The following PRKCA variants were observed in gnomAD, a reference collection of about 807,000 sequenced individuals.
PRKCA encodes protein kinase C alpha type.
In PRKCA, 27 loss-of-function variants were observed where a neutral mutation model predicts 87.0. That is an observed-to-expected ratio of 0.31 (90% CI 0.23 to 0.43). The LOEUF (loss-of-function observed/expected upper bound fraction) is 0.43. Ranked by LOEUF, PRKCA falls within the 20% of genes least tolerant of loss-of-function variation. The probability of loss-of-function intolerance (pLI) is 1.00; values close to 1 mark genes in which losing one functional copy is unlikely to be tolerated. For missense variants in PRKCA, 518 were observed against 852.3 expected (o/e 0.61, Z 4.88); for synonymous variants, 329 against 311.1 (o/e 1.06, Z -0.61).
At chr17:66,736,373 G>T (rs1488383445) in intron 10 of PRKCA, among the ~76,000 whole-genome samples, 1 of 151,840 alleles carries the variant, frequency 6.6e-6, no homozygotes, top group African/African-American at 2.4e-5. Flanking sequence ...CACCTCCCAG[G>T]CTCAAGGGAT....
At chr17:66,696,097 A>T (rs1972913413) in intron 8 of PRKCA, among the ~76,000 whole-genome samples, 1 of 152,140 alleles carries the variant, frequency 6.6e-6, no homozygotes, top group Non-Finnish European at 1.5e-5. Context: ...AAGCAGGGGG[A>T]ATCATGGCAA....
intron 8 of PRKCA, among the ~76,000 whole-genome samples, chr17:66,729,806 G>A (rs1415810612): frequency 3.2e-5 from 3 of 92,324 alleles, no homozygotes; most frequent in African/African-American, 1.6e-4. Flanking sequence ...TTTTTTCTGA[G>A]ACAGAGTCTC....
At chr17:66,494,716 A>G (rs555845322) in intron 2 of PRKCA, among the ~76,000 whole-genome samples, 1 of 152,350 alleles carries the variant, frequency 6.6e-6, no homozygotes, top group African/African-American at 2.4e-5. Flanking sequence ...TAAGAGTAGT[A>G]GATGATGCCT....
At position 66,562,902 on chromosome 17, in the gene PRKCA, A is replaced by G. The variant is rs1221148513; in HGVS notation, c.288+66619A>G. Among the ~76,000 whole-genome samples, 4 of 152,140 alleles carry G rather than the reference A, an allele frequency of 2.6e-5. No individual in the cohort carries two copies. In the East Asian group the frequency reaches 7.7e-4, roughly 29 times the overall value. On this transcript the variant is annotated intron_variant, in intron 3 of 16. Coordinates refer to ENST00000413366, the MANE Select transcript of PRKCA (RefSeq NM_002737.3). ...ATGAACACTGTGCCTGGCCAGCTTG[A>G]TAAATTTTTATGCAGAATGGTTTTA...
chr17:66,545,356 A>G (rs548431624), intron 3 of PRKCA, among the ~76,000 whole-genome samples: 26 of 152,230 alleles, frequency 1.7e-4, no homozygotes, highest in African/African-American at 5.8e-4. Context: ...GTGAACCCAA[A>G]AGGCGGAGCT....
In PRKCA at chr17:66,804,936, G is replaced by A. The variant is rs1423817737; in HGVS notation, c.*899G>A. On this transcript the variant is annotated 3_prime_UTR_variant, in exon 17 of 17. Coordinates refer to ENST00000413366, the MANE Select transcript of PRKCA (RefSeq NM_002737.3). ...CCACCCCCACACACACCAACATTTTGCTGCCTACCTTGTTATCCTTCTCAA... is the reference window on the plus strand; with the variant it reads ...CCACCCCCACACACACCAACATTTTACTGCCTACCTTGTTATCCTTCTCAA... 1.1e-6 allele frequency: 1 copy of A among 947,100 alleles called. No homozygotes were observed. Among genetic ancestry groups the A allele is most frequent in the Non-Finnish European group, 1.3e-6 (1 of 794,950 alleles). The allele number at this position is 947,100 out of a possible 1,614,324, so 58.7% of individuals were successfully genotyped here.
In PRKCA at chr17:66,319,867, A is replaced by G. The variant is rs1048727907; in HGVS notation, c.205+13740A>G. ...AGGGATTCTCCTGCCTCAGCCTCCT[A>G]AGTAGCTGGGATTACAGGCGCCTGC... On this transcript the variant is annotated intron_variant, in intron 2 of 16. Coordinates refer to ENST00000413366, the MANE Select transcript of PRKCA (RefSeq NM_002737.3). Among the ~76,000 whole-genome samples, 6 of 151,634 alleles carry G rather than the reference A, an allele frequency of 4.0e-5. 1 individual carries two copies. Among genetic ancestry groups the G allele is most frequent in the African/African-American group, 1.5e-4 (6 of 41,264 alleles).
intron 2 of PRKCA, among the ~76,000 whole-genome samples, chr17:66,347,766 G>A (rs1467814668): frequency 6.6e-6 from 1 of 151,892 alleles, no homozygotes; most frequent in Non-Finnish European, 1.5e-5. Flanking sequence ...AAACTTTATT[G>A]TATTTCAAAA....
chr17:66,678,748 G>T (rs1305692602), intron 5 of PRKCA, among the ~76,000 whole-genome samples: 5 of 151,944 alleles, frequency 3.3e-5, no homozygotes, highest in African/African-American at 1.2e-4. Context: ...ATGACTGTAG[G>T]GAAATGAACA....
rs559567953 is a variant in PRKCA at position 66,391,577 on chromosome 17, C to G, written c.205+85450C>G. Among the ~76,000 whole-genome samples the G allele has an allele frequency of 2.0e-5, 3 of 152,314 alleles. No individual in the cohort carries two copies. The East Asian group carries it at 5.8e-4, about 29-fold the overall frequency. On this transcript the variant is annotated intron_variant, in intron 2 of 16. Coordinates refer to ENST00000413366, the MANE Select transcript of PRKCA (RefSeq NM_002737.3). ...ATAAGAAGTTTCCGTAGTCCTCTTACTCAACCACTAGATGGTCACTTAGTA... is the reference window on the plus strand; with the variant it reads ...ATAAGAAGTTTCCGTAGTCCTCTTAGTCAACCACTAGATGGTCACTTAGTA...
At chr17:66,783,659 G>T (rs1975301730) in intron 14 of PRKCA, among the ~76,000 whole-genome samples, 1 of 152,170 alleles carries the variant, frequency 6.6e-6, no homozygotes, top group Non-Finnish European at 1.5e-5. Context: ...AAGGTGGGGT[G>T]GCTGCAGCTG....
chr17:66,714,615 A>G (rs1413649767), intron 8 of PRKCA, among the ~76,000 whole-genome samples: 1 of 152,246 alleles, frequency 6.6e-6, no homozygotes, highest in Non-Finnish European at 1.5e-5. Context: ...ACTACTCAGA[A>G]TGGCAGCAGC....
chr17:66,618,828 C>T (rs1391350219), intron 3 of PRKCA, among the ~76,000 whole-genome samples: 1 of 152,222 alleles, frequency 6.6e-6, no homozygotes, highest in Non-Finnish European at 1.5e-5. Flanking sequence ...AACTGTGTCC[C>T]ATATCCTCAG....
chr17:66,790,201 T>C (rs981545297), intron 16 of PRKCA, among the ~76,000 whole-genome samples: 3 of 152,242 alleles, frequency 2.0e-5, no homozygotes, highest in African/African-American at 7.2e-5. Context: ...TTCCTCACCA[T>C]GTGTGCCTCT....
intron 2 of PRKCA, among the ~76,000 whole-genome samples, chr17:66,489,368 TATATATA>T (rs1465101790): frequency 1.2e-5 from 1 of 84,074 alleles, no homozygotes; most frequent in Non-Finnish European, 2.5e-5. Flanking sequence ...TATATATATA[TATATATA>T]TATATATATA....
chr17:66,303,848 A>G (rs1267319209), intron 1 of PRKCA, among the ~76,000 whole-genome samples: 2 of 151,870 alleles, frequency 1.3e-5, no homozygotes, highest in Non-Finnish European at 2.9e-5. Flanking sequence ...TAAAAATACA[A>G]AATTAGCCGG....
intron 3 of PRKCA, among the ~76,000 whole-genome samples, chr17:66,512,348 A>G (rs937901193): frequency 6.6e-6 from 1 of 152,032 alleles, no homozygotes; most frequent in Non-Finnish European, 1.5e-5. Flanking sequence ...TGGCTGAGGC[A>G]GGAGAATTGC....
At chr17:66,540,168 A>G (rs372498928) in intron 3 of PRKCA, among the ~76,000 whole-genome samples, 1 of 152,184 alleles carries the variant, frequency 6.6e-6, no homozygotes, top group East Asian at 1.9e-4. Context: ...GAATGCTGCT[A>G]TTTCAGAGCT....
rs556183269 is a variant in PRKCA, at chr17:66,716,794, C to T, written c.919-15894C>T. 4.6e-5 allele frequency among the ~76,000 whole-genome samples: 7 copies of T among 152,302 alleles called. No homozygotes were observed. The South Asian group carries it at 6.2e-4, about 14-fold the overall frequency. On this transcript the variant is annotated intron_variant, in intron 8 of 16. Coordinates refer to ENST00000413366, the MANE Select transcript of PRKCA (RefSeq NM_002737.3). ...TGGCAAAGTGCCAACACGTCAGGGT[C>T]CCACGTTTCTCCTTGGAGAATGGCT...
Sources: allele counts gnomAD v4.1 joint callset (sites outside exome capture counted in the v4.1 genomes callset), GRCh38; gene constraint gnomAD v4.1.1; transcripts MANE v1.5; gene names NCBI Gene and HGNC (gene_info 2026-07-23, HGNC 2026-07-21).